The following GPC5 variants were observed in gnomAD, a reference collection of about 807,000 sequenced individuals.
GPC5 encodes the protein glypican 5, also known as glypican-5.
In GPC5, 47 loss-of-function variants were observed where a neutral mutation model predicts 53.9. The ratio of observed to expected loss-of-function variants is 0.87; its 90% CI spans 0.69 to 1.11. GPC5 has a LOEUF of 1.11. GPC5 is among the 50% of genes most tolerant of loss of function. The pLI is 0.00. For synonymous variants in GPC5, 286 were observed against 263.3 expected (o/e 1.09, Z -0.84); for missense variants, 748 against 713.1 (o/e 1.05, Z -0.56).
At chr13:91,573,874 G>A (rs1020138560) in intron 2 of GPC5, among the ~76,000 whole-genome samples, 4 of 151,974 alleles carry the variant, frequency 2.6e-5, no homozygotes, top group Admixed American at 6.6e-5. Flanking sequence ...AAGTTTTATC[G>A]TATATATATG....
Position 92,258,169 on chromosome 13 carries a change from T to C in GPC5, c.1561+113180T>C, listed in dbSNP as rs188495748. On this transcript the variant is annotated intron_variant, in intron 7 of 7. Coordinates refer to ENST00000377067, the MANE Select transcript of GPC5 (RefSeq NM_004466.6). ...CCTAGGCTTCTTTTTCATAATAACA[T>C]TTAGAAGACAAAATTTAATTTATTT... Among the ~76,000 whole-genome samples the C allele has an allele frequency of 3.3e-3, 504 of 152,262 alleles. 5 individuals are homozygous for C. The highest frequency in any genetic ancestry group is 0.011 in the African/African-American group (478 of 41,568).
intron 6 of GPC5, among the ~76,000 whole-genome samples, chr13:92,001,022 C>G (rs1323322857): frequency 6.6e-6 from 1 of 152,160 alleles, no homozygotes; most frequent in Non-Finnish European, 1.5e-5. Flanking sequence ...GGCTCAGTGC[C>G]TGCCACAAAC....
rs188616743 is a variant in GPC5 at position 92,613,783 on chromosome 13, G to A, written c.1562-252499G>A. On this transcript the variant is annotated intron_variant, in intron 7 of 7. Coordinates refer to ENST00000377067, the MANE Select transcript of GPC5 (RefSeq NM_004466.6). Reference sequence around the variant, plus strand: ...TGAGGCAGGAGGCTCACTTGAGCACGGAGGTCAAGGCTGCAGTGAGATAGG... The same window carrying A: ...TGAGGCAGGAGGCTCACTTGAGCACAGAGGTCAAGGCTGCAGTGAGATAGG... Among the ~76,000 whole-genome samples, 994 of 148,934 alleles carry A rather than the reference G, an allele frequency of 6.7e-3. 9 individuals are homozygous for A. Among genetic ancestry groups the A allele is most frequent in the African/African-American group, 0.024 (955 of 40,586 alleles).
intron 2 of GPC5, among the ~76,000 whole-genome samples, chr13:91,650,676 A>T (rs2034677357): frequency 6.6e-6 from 1 of 151,454 alleles, no homozygotes; most frequent in Non-Finnish European, 1.5e-5. Flanking sequence ...GTTATCACTG[A>T]CTACTCATAT....
chr13:91,757,721 T>C (rs762306822), intron 5 of GPC5, among the ~76,000 whole-genome samples: 2 of 152,158 alleles, frequency 1.3e-5, no homozygotes, highest in Non-Finnish European at 2.9e-5. Flanking sequence ...TTCTTTCCTT[T>C]ATAAATCACC....
At chr13:92,073,629 C>T (rs1258466749) in intron 6 of GPC5, among the ~76,000 whole-genome samples, 3 of 152,264 alleles carry the variant, frequency 2.0e-5, no homozygotes, top group East Asian at 1.9e-4. Context: ...TGATGGTATA[C>T]GATGTCTACC....
chr13:92,536,313 T>A (rs1338749041), intron 7 of GPC5, among the ~76,000 whole-genome samples: 1 of 152,138 alleles, frequency 6.6e-6, no homozygotes, highest in Admixed American at 6.6e-5. Context: ...TATGTAAATA[T>A]ATGAGTGAAA....
At chr13:91,431,391 G>C (rs942300192) in intron 1 of GPC5, among the ~76,000 whole-genome samples, 9 of 152,154 alleles carry the variant, frequency 5.9e-5, no homozygotes, top group Non-Finnish European at 8.8e-5. Context: ...CGATCAATCT[G>C]TCTTCTCCTA....
At chr13:92,081,247 A>T (rs1055471162) in intron 6 of GPC5, among the ~76,000 whole-genome samples, 1 of 152,050 alleles carries the variant, frequency 6.6e-6, no homozygotes, top group Non-Finnish European at 1.5e-5. Context: ...GATTACAGGC[A>T]CGCAGCACCA....
At chr13:91,647,799 A>AT (rs1427236967) in intron 2 of GPC5, among the ~76,000 whole-genome samples, 1 of 152,142 alleles carries the variant, frequency 6.6e-6, no homozygotes, top group Non-Finnish European at 1.5e-5. Context: ...ATTTTCTTTC[A>AT]TTGGCACATC....
At chr13:92,636,681 C>T (rs9516104) in intron 7 of GPC5, among the ~76,000 whole-genome samples, 130,241 of 152,108 alleles carry the variant, frequency 0.86, 57,638 homozygotes, top group Non-Finnish European at 0.98. Flanking sequence ...TTCATATCTC[C>T]TGTATTCCAC....
intron 6 of GPC5, among the ~76,000 whole-genome samples, chr13:92,018,810 T>A (rs1271088479): frequency 6.6e-6 from 1 of 152,086 alleles, no homozygotes. Flanking sequence ...TGCCAATAAA[T>A]ATAAAAGTAC....
chr13:92,110,278 T>C (rs1594767053), intron 6 of GPC5, among the ~76,000 whole-genome samples: 1 of 152,274 alleles, frequency 6.6e-6, no homozygotes, highest in African/African-American at 2.4e-5. Flanking sequence ...TTTTACTCAT[T>C]TTCATCTTAA....
intron 1 of GPC5, among the ~76,000 whole-genome samples, chr13:91,408,614 G>A (rs1242197136): frequency 6.6e-6 from 1 of 152,148 alleles, no homozygotes; most frequent in African/African-American, 2.4e-5. Context: ...TTAAGTCAAT[G>A]CTAATGAAAC....
At chr13:91,848,803 T>G (rs968981355) in intron 5 of GPC5, among the ~76,000 whole-genome samples, 1 of 152,212 alleles carries the variant, frequency 6.6e-6, no homozygotes, top group East Asian at 1.9e-4. Flanking sequence ...TCTATGTACT[T>G]GAAAGTCAAT....
chr13:91,529,596 G>A (rs1159608187), intron 2 of GPC5, among the ~76,000 whole-genome samples: 2 of 149,030 alleles, frequency 1.3e-5, no homozygotes, highest in Non-Finnish European at 3.0e-5. Flanking sequence ...TAATCATGCA[G>A]TAAGTGCTAG....
intron 2 of GPC5, among the ~76,000 whole-genome samples, chr13:91,452,534 C>T (rs1881257749): frequency 1.3e-5 from 2 of 152,058 alleles, no homozygotes; most frequent in South Asian, 4.1e-4. Context: ...CAGGATAATA[C>T]AAGAGTTTGT....
At chr13:92,433,026 T>C (rs1211075763) in intron 7 of GPC5, among the ~76,000 whole-genome samples, 1 of 152,076 alleles carries the variant, frequency 6.6e-6, no homozygotes, top group East Asian at 1.9e-4. Flanking sequence ...CTTTGATGAA[T>C]AAAAAGAAAT....
rs140283314 is a variant in GPC5 at position 92,605,185 on chromosome 13, G to A, written c.1562-261097G>A. ...AGAAACAATTAATTGCCTAGTTTAAGAAAAAAGGGAAAGGCAATCATAGTG... is the reference window on the plus strand; with the variant it reads ...AGAAACAATTAATTGCCTAGTTTAAAAAAAAAGGGAAAGGCAATCATAGTG... On this transcript the variant is annotated intron_variant, in intron 7 of 7. Transcript: ENST00000377067. Among the ~76,000 whole-genome samples, 787 of 152,164 alleles carry A rather than the reference G, an allele frequency of 5.2e-3. 7 individuals are homozygous for A. The highest frequency in any genetic ancestry group is 0.018 in the African/African-American group (743 of 41,540).
Sources: allele counts gnomAD v4.1 joint callset (sites outside exome capture counted in the v4.1 genomes callset), GRCh38; gene constraint gnomAD v4.1.1; transcripts MANE v1.5; gene names NCBI Gene and HGNC (gene_info 2026-07-23, HGNC 2026-07-21).